Variants in ST8SIA5 observed in about 807,000 individuals in gnomAD.
The protein encoded by ST8SIA5 is ST8 alpha-N-acetyl-neuraminide alpha-2,8-sialyltransferase 5, also known as alpha-2,8-sialyltransferase 8E.
ST8SIA5 carries 24 observed loss-of-function variants against 40.2 expected under a neutral mutation model. The observed-to-expected ratio is 0.60, with a 90% CI of 0.43 to 0.84. The LOEUF (loss-of-function observed/expected upper bound fraction) is 0.84, where lower values mean the gene tolerates loss of function less well. Ranked by LOEUF, ST8SIA5 falls within the 40% of genes least tolerant of loss-of-function variation. ST8SIA5 has a pLI of 0.00. For synonymous variants in ST8SIA5, 198 were observed against 201.8 expected, an observed-to-expected ratio of 0.98 and a Z score of 0.16; for missense variants, 465 against 498.5, an observed-to-expected ratio of 0.93 and a Z score of 0.64.
chr18:46,696,142 T>C (rs1390084083), intron 2 of ST8SIA5, among the ~76,000 whole-genome samples: 1 of 152,200 alleles, frequency 6.6e-6, no homozygotes, highest in Non-Finnish European at 1.5e-5. Flanking sequence ...TATTCCGGGC[T>C]GAGAGAAAAG....
intron 6 of ST8SIA5, among the ~76,000 whole-genome samples, chr18:46,681,588 C>A (rs2039396947): frequency 6.6e-6 from 1 of 152,200 alleles, no homozygotes; most frequent in South Asian, 2.1e-4. Flanking sequence ...GAGCTGCCTG[C>A]CCTGGTCACA....
chr18:46,721,248 C>T, intron 1 of ST8SIA5: 1 of 930,712 alleles, frequency 1.1e-6, no homozygotes. Context: ...AGTTTCGAGC[C>T]ACCAGAACAA....
At chr18:46,719,272 T>C (rs2039826697) in intron 1 of ST8SIA5, among the ~76,000 whole-genome samples, 2 of 152,226 alleles carry the variant, frequency 1.3e-5, no homozygotes, top group East Asian at 1.9e-4. Context: ...TCTCTGACCC[T>C]GCAGGCTCCC....
chr18:46,743,652 T>C (rs1386650292), intron 1 of ST8SIA5, among the ~76,000 whole-genome samples: 1 of 152,110 alleles, frequency 6.6e-6, no homozygotes, highest in Non-Finnish European at 1.5e-5. Context: ...CAGGATATTA[T>C]CCAGGAGAAC....
chr18:46,682,054 G>A lies in ST8SIA5; in HGVS notation c.580C>T (p.Pro194Ser). The A allele has an allele frequency of 6.2e-7, 1 of 1,607,728 alleles. No homozygotes were observed. Among genetic ancestry groups the A allele is most frequent in the South Asian group, 1.1e-5 (1 of 89,668 alleles). The change falls in exon 6 of 7, where the codon CCC (proline) becomes TCC (serine). Residue 194 changes from proline to serine, a missense_variant. By Grantham distance (74) the Pro-to-Ser change is moderately conservative. Coordinates refer to ENST00000315087, the MANE Select transcript of ST8SIA5 (RefSeq NM_013305.6). ...ATGGTGTACTTCTCTGAGATGGGGGGCAGGTTGCACCTGCAGAAGAGAAAA... is the reference window on the plus strand; with the variant it reads ...ATGGTGTACTTCTCTGAGATGGGGGACAGGTTGCACCTGCAGAAGAGAAAA... Reference protein sequence around the residue: ...SADFVFRCNLPPISEKYTMDV... With the variant: ...SADFVFRCNLSPISEKYTMDV...
chr18:46,717,042 T>A (rs1255845245), intron 1 of ST8SIA5, among the ~76,000 whole-genome samples: 1 of 152,212 alleles, frequency 6.6e-6, no homozygotes, highest in African/African-American at 2.4e-5. Context: ...CTGTCCTCTG[T>A]CCCTGTGACT....
intron 1 of ST8SIA5, among the ~76,000 whole-genome samples, chr18:46,715,568 T>A (rs974970206): frequency 2.7e-4 from 37 of 138,942 alleles, no homozygotes; most frequent in Non-Finnish European, 4.6e-4. Context: ...TTTTTTTTTT[T>A]AATTTTTTGA....
chr18:46,671,212 C>G lies in ST8SIA5; in HGVS notation c.*8830G>C, dbSNP rs375967693. Reference sequence around the variant, plus strand: ...GTCGCTGAATGTGGAATTCTGAGCTCTCATGGGGGTTGAAGTTGCCCACGT... The same window carrying G: ...GTCGCTGAATGTGGAATTCTGAGCTGTCATGGGGGTTGAAGTTGCCCACGT... On this transcript the variant is annotated 3_prime_UTR_variant, in exon 7 of 7. Coordinates refer to ENST00000315087, the MANE Select transcript of ST8SIA5 (RefSeq NM_013305.6). The G allele has an allele frequency of 1.9e-4, 29 of 152,288 alleles. No homozygotes were observed. Among genetic ancestry groups the G allele is most frequent in the African/African-American group, 7.0e-4 (29 of 41,548 alleles). 9.4% of individuals were successfully genotyped at this position (152,288 alleles called of 1,614,324 possible). A position where few individuals can be genotyped will look rare whatever the true frequency, so the allele number is the denominator to read the frequency against.
intron 5 of ST8SIA5, chr18:46,685,723 T>A (rs993904459): frequency 5.9e-6 from 1 of 168,216 alleles, no homozygotes; most frequent in African/African-American, 2.4e-5. Flanking sequence ...CACAAAGAGA[T>A]AAGAGGGGGG....
At chr18:46,704,521 C>A in intron 2 of ST8SIA5, 51 bp downstream of exon 2, 1 of 1,531,480 alleles carries the variant, frequency 6.5e-7, no homozygotes, top group South Asian at 1.1e-5. Context: ...CCCCCAACCC[C>A]TGCCCCACCT....
chr18:46,725,050 A>G (rs1014799514), intron 1 of ST8SIA5, among the ~76,000 whole-genome samples: 1 of 149,746 alleles, frequency 6.7e-6, no homozygotes, highest in Non-Finnish European at 1.5e-5. Context: ...GAAGGAAGGA[A>G]AAGAGAGAAA....
At chr18:46,728,827 G>GAAGCCTTCCCTGTCC (rs2039957853) in intron 1 of ST8SIA5, among the ~76,000 whole-genome samples, 1 of 152,152 alleles carries the variant, frequency 6.6e-6, no homozygotes, top group Admixed American at 6.5e-5. Context: ...GGTCTCCTAG[G>GAAGCCTTCCCTGTCC]TCTTCATGCC....
At chr18:46,748,094 A>T (rs900690006) in intron 1 of ST8SIA5, among the ~76,000 whole-genome samples, 1 of 152,142 alleles carries the variant, frequency 6.6e-6, no homozygotes, top group Non-Finnish European at 1.5e-5. Flanking sequence ...TGGGGGAGGG[A>T]TAGCATTAGG....
At chr18:46,755,255 G>C (rs1183629979) in intron 1 of ST8SIA5, among the ~76,000 whole-genome samples, 1 of 152,188 alleles carries the variant, frequency 6.6e-6, no homozygotes, top group East Asian at 1.9e-4. Flanking sequence ...CCCAGATTGG[G>C]AGCACCCATA....
At chr18:46,726,010 TCCTGGATATATATATATATCCTGG>T (rs1280457830) in intron 1 of ST8SIA5, among the ~76,000 whole-genome samples, 29 of 48,194 alleles carry the variant, frequency 6.0e-4, no homozygotes, top group Non-Finnish European at 7.9e-4. Context: ...TATATATATA[TCCTGGATATATATATATATCCTGG>T]ATATATATAT....
intron 1 of ST8SIA5, among the ~76,000 whole-genome samples, chr18:46,753,152 C>T (rs112340307): frequency 0.013 from 2,011 of 152,310 alleles, 44 homozygotes; most frequent in African/African-American, 0.046. Context: ...GTGTCTCTTC[C>T]TGTTACAATC....
Position 46,692,230 on chromosome 18 carries a change from T to C in ST8SIA5, c.250A>G (p.Arg84Gly). The C allele has an allele frequency of 6.2e-7, 1 of 1,614,124 alleles. No homozygotes were observed. Among genetic ancestry groups the C allele is most frequent in the African/African-American group, 1.3e-5 (1 of 75,030 alleles). Residue 84 changes from arginine to glycine, a missense_variant, in exon 3 of 7, where the codon AGG becomes GGG. Transcript: ENST00000315087. ...TTGCACATCTGGAGGCTCTTCCACCTGTCGAACAGCTCTGACTGCTTCACC... is the reference window on the plus strand; with the variant it reads ...TTGCACATCTGGAGGCTCTTCCACCCGTCGAACAGCTCTGACTGCTTCACC... ...SMVKQSELFD[R>G]WKSLQMCKWA...
chr18:46,729,819 G>A (rs1016899596), intron 1 of ST8SIA5, among the ~76,000 whole-genome samples: 6 of 151,782 alleles, frequency 4.0e-5, no homozygotes, highest in African/African-American at 1.5e-4. Flanking sequence ...CTGACAGTCC[G>A]GTTTTAACTG....
At chr18:46,686,993 G>A (rs2039455198) in intron 4 of ST8SIA5, among the ~76,000 whole-genome samples, 1 of 152,086 alleles carries the variant, frequency 6.6e-6, no homozygotes, top group Non-Finnish European at 1.5e-5. Context: ...TAGGAGGCTG[G>A]GAAGCTGAAT....
Sources: allele counts gnomAD v4.1 joint callset (sites outside exome capture counted in the v4.1 genomes callset), GRCh38; gene constraint gnomAD v4.1.1; transcripts MANE v1.5; gene names NCBI Gene and HGNC (gene_info 2026-07-23, HGNC 2026-07-21).